The following CFAP95 variants were observed in gnomAD, a reference collection of about 807,000 sequenced individuals.
CFAP95 encodes cilia and flagella associated protein 95.
At chr9:69,874,399 C>T in the CFAP95 span, among the ~76,000 whole-genome samples, 10 of 152,258 alleles carry the variant, frequency 6.6e-5, no homozygotes, top group East Asian at 5.8e-4. Context: ...GAGTTGGTTA[C>T]GTGATTACAA....
the CFAP95 span, among the ~76,000 whole-genome samples, chr9:69,823,715 A>C: frequency 1.3e-5 from 2 of 152,174 alleles, no homozygotes; most frequent in Admixed American, 1.3e-4. Context: ...GAGTCTGAAA[A>C]GAGAGTCAGT....
the CFAP95 span, among the ~76,000 whole-genome samples, chr9:69,843,604 TTCTTCTTCTTCTTCTTCTTCTTCTTCC>T: frequency 2.7e-3 from 176 of 65,894 alleles, 21 homozygotes; most frequent in East Asian, 0.017. Flanking sequence ...CTTCTTCTTC[TTCTTCTTCTTCTTCTTCTTCTTCTTCC>T]TCCTCCTCCT....
the CFAP95 span, among the ~76,000 whole-genome samples, chr9:69,883,396 G>A: frequency 6.6e-6 from 1 of 152,112 alleles, no homozygotes; most frequent in Non-Finnish European, 1.5e-5. Flanking sequence ...CTCTGGTTGG[G>A]GAGGGGTTTA....
chr9:69,851,712 C>T, the CFAP95 span, among the ~76,000 whole-genome samples: 14 of 151,958 alleles, frequency 9.2e-5, no homozygotes, highest in Non-Finnish European at 1.8e-4. Context: ...GGAAAAGGAG[C>T]ATCCCGTAAG....
At chr9:69,863,519 C>T in the CFAP95 span, among the ~76,000 whole-genome samples, 2 of 152,124 alleles carry the variant, frequency 1.3e-5, no homozygotes, top group African/African-American at 4.8e-5. Context: ...CTTTATGAGG[C>T]ATGGAAAATA....
At chr9:69,839,217 T>C in the CFAP95 span, among the ~76,000 whole-genome samples, 24 of 131,458 alleles carry the variant, frequency 1.8e-4, no homozygotes, top group Middle Eastern at 3.5e-3. Flanking sequence ...TGTCTCTGCC[T>C]GGCTTTGGTA....
At chr9:69,829,939 G>T in the CFAP95 span, among the ~76,000 whole-genome samples, 3 of 152,196 alleles carry the variant, frequency 2.0e-5, no homozygotes, top group Non-Finnish European at 4.4e-5. Flanking sequence ...CAGATGGTCA[G>T]CTTGCCCTAG....
the CFAP95 span, among the ~76,000 whole-genome samples, chr9:69,901,143 T>C: frequency 2.8e-5 from 3 of 107,972 alleles, no homozygotes; most frequent in Non-Finnish European, 5.6e-5. Context: ...TTGGTTTTGG[T>C]TTTTTTTTTT....
the CFAP95 span, among the ~76,000 whole-genome samples, chr9:69,842,482 C>G: frequency 6.6e-6 from 1 of 152,154 alleles, no homozygotes; most frequent in African/African-American, 2.4e-5. Context: ...AACTAAGTTC[C>G]AATGTATACC....
At chr9:69,844,629 A>G in the CFAP95 span, 4 of 1,587,336 alleles carry the variant, frequency 2.5e-6, no homozygotes, top group East Asian at 6.7e-5. Context: ...ATCCCCAGTA[A>G]GTAGTTGCTA....
At chr9:69,852,633 T>C in the CFAP95 span, among the ~76,000 whole-genome samples, 3 of 152,116 alleles carry the variant, frequency 2.0e-5, no homozygotes, top group Non-Finnish European at 2.9e-5. Context: ...TGCTACAGAC[T>C]GGAAGGTTCC....
chr9:69,906,022 T>A, the CFAP95 span: 1 of 1,613,266 alleles, frequency 6.2e-7, no homozygotes, highest in South Asian at 1.1e-5. Flanking sequence ...CGGATCTAAA[T>A]GGTTCTAAAA....
the CFAP95 span, among the ~76,000 whole-genome samples, chr9:69,839,697 G>T: frequency 6.6e-6 from 1 of 151,644 alleles, no homozygotes; most frequent in Admixed American, 6.6e-5. Flanking sequence ...AAAGTGCTGG[G>T]ATTACAGTGT....
At chr9:69,863,618 G>A in the CFAP95 span, among the ~76,000 whole-genome samples, 1 of 152,118 alleles carries the variant, frequency 6.6e-6, no homozygotes, top group Non-Finnish European at 1.5e-5. Context: ...GATGATTGTA[G>A]CTAATTCATT....
the CFAP95 span, among the ~76,000 whole-genome samples, chr9:69,863,080 C>A: frequency 1.3e-5 from 2 of 152,188 alleles, no homozygotes; most frequent in African/African-American, 4.8e-5. Flanking sequence ...AAGACTTAAA[C>A]TTTAAAAATG....
At chr9:69,876,353 C>G in the CFAP95 span, among the ~76,000 whole-genome samples, 5 of 151,860 alleles carry the variant, frequency 3.3e-5, no homozygotes, top group Non-Finnish European at 5.9e-5. Flanking sequence ...GCCAACATGA[C>G]AAAACCCCAT....
chr9:69,880,181 T>C, the CFAP95 span, among the ~76,000 whole-genome samples: 79 of 152,302 alleles, frequency 5.2e-4, no homozygotes, highest in African/African-American at 1.9e-3. Flanking sequence ...AGTGTACAAT[T>C]AAATTACTAT....
chr9:69,872,736 G>A, the CFAP95 span, among the ~76,000 whole-genome samples: 20 of 152,170 alleles, frequency 1.3e-4, no homozygotes, highest in Non-Finnish European at 2.8e-4. Context: ...TGTGGTCCCA[G>A]CATGTTGAGA....
At chr9:69,883,700 T>G in the CFAP95 span, among the ~76,000 whole-genome samples, 2 of 152,244 alleles carry the variant, frequency 1.3e-5, no homozygotes, top group African/African-American at 4.8e-5. Flanking sequence ...CCACTAACGA[T>G]CCTTTGAATT....
Sources: allele counts gnomAD v4.1 joint callset (sites outside exome capture counted in the v4.1 genomes callset), GRCh38; gene constraint gnomAD v4.1.1; transcripts MANE v1.5; gene names NCBI Gene and HGNC (gene_info 2026-07-23, HGNC 2026-07-21).